MTSS1: variants seen among roughly 807,000 people sequenced by gnomAD.
MTSS1 encodes protein MTSS 1.
MTSS1 carries 18 observed loss-of-function variants against 79.0 expected under a neutral mutation model. The observed-to-expected ratio is 0.23, with a 90% confidence interval of 0.16 to 0.34. MTSS1 has a LOEUF of 0.34. Among genes scored for constraint, MTSS1 ranks in the 10% least tolerant of loss-of-function variants. The pLI, the probability that MTSS1 is intolerant of heterozygous loss-of-function variation, is 1.00. For synonymous variants in MTSS1, 341 were observed against 368.6 expected, an observed-to-expected ratio of 0.93 and a Z score of 0.86; for missense variants, 815 against 986.2, an observed-to-expected ratio of 0.83 and a Z score of 2.33.
intron 3 of MTSS1, among the ~76,000 whole-genome samples, chr8:124,696,671 C>A (rs1048889605): frequency 4.6e-5 from 7 of 151,832 alleles, no homozygotes; most frequent in African/African-American, 1.5e-4. Context: ...GCCAACATGA[C>A]GAAACCCTGT....
intron 6 of MTSS1, among the ~76,000 whole-genome samples, chr8:124,581,545 T>C (rs10092678): frequency 0.13 from 19,569 of 151,538 alleles, 1,396 homozygotes; most frequent in African/African-American, 0.16. Flanking sequence ...AACCTCCACC[T>C]TCCAGGTTCA....
chr8:124,564,286 G>A (rs1023345272), intron 9 of MTSS1, among the ~76,000 whole-genome samples: 2 of 152,166 alleles, frequency 1.3e-5, no homozygotes, highest in Non-Finnish European at 1.5e-5. Context: ...CTAGGGCTGG[G>A]ATAGGAAAAG....
intron 3 of MTSS1, among the ~76,000 whole-genome samples, chr8:124,650,198 TTTTTG>T (rs1819701521): frequency 1.3e-5 from 2 of 152,014 alleles, no homozygotes; most frequent in Non-Finnish European, 2.9e-5. Context: ...GCCCAGCTAA[TTTTTG>T]TATTTTTAGT....
chr8:124,661,323 G>GT (rs368747759), intron 3 of MTSS1, among the ~76,000 whole-genome samples: 128 of 146,010 alleles, frequency 8.8e-4, no homozygotes, highest in East Asian at 2.6e-3. Flanking sequence ...TTTCTTCTAG[G>GT]TTTTTTTTTT....
chr8:124,710,489 G>A (rs1831003332), intron 1 of MTSS1, among the ~76,000 whole-genome samples: 1 of 152,136 alleles, frequency 6.6e-6, no homozygotes, highest in Non-Finnish European at 1.5e-5. Flanking sequence ...AGGAGACACC[G>A]CCGAGTGCCT....
chr8:124,621,407 G>A (rs1169577697), intron 3 of MTSS1, among the ~76,000 whole-genome samples: 1 of 152,194 alleles, frequency 6.6e-6, no homozygotes, highest in Non-Finnish European at 1.5e-5. Context: ...ACTTGGTGGG[G>A]GCAGTCTTCC....
intron 3 of MTSS1, among the ~76,000 whole-genome samples, chr8:124,693,575 G>A (rs949648034): frequency 5.3e-5 from 8 of 152,112 alleles, no homozygotes; most frequent in African/African-American, 1.4e-4. Context: ...CACCAACCTC[G>A]GCGATCCAGA....
chr8:124,562,851 T>C lies in MTSS1; in HGVS notation c.966A>G (p.Ser322=), dbSNP rs1263103132. Reference sequence around the variant, plus strand: ...GGAAGGCATCCTGGGATATGAATCCTGAGTCATGGGAGGACACGCTGGACA... The same window carrying C: ...GGAAGGCATCCTGGGATATGAATCCCGAGTCATGGGAGGACACGCTGGACA... ...VRLSSVSSHD[S]GFISQDAFQS... Residue 322 remains serine (S), a synonymous_variant, in exon 10 of 14, where the codon TCA becomes TCG. Transcript: ENST00000518547. The C allele has an allele frequency of 6.2e-7, 1 of 1,614,036 alleles. No individual in the cohort carries two copies.
At chr8:124,690,148 AC>A (rs531559644) in intron 3 of MTSS1, among the ~76,000 whole-genome samples, 4 of 152,166 alleles carry the variant, frequency 2.6e-5, no homozygotes, top group Non-Finnish European at 5.9e-5. Context: ...CTTCCTCCCC[AC>A]TGCTGCTGCT....
chr8:124,564,129 C>CAA (rs56313535), intron 9 of MTSS1, among the ~76,000 whole-genome samples: 1,546 of 87,666 alleles, frequency 0.018, 92 homozygotes, highest in African/African-American at 0.065. Context: ...GACCCGATCT[C>CAA]AAAAAAAAAA....
intron 3 of MTSS1, among the ~76,000 whole-genome samples, chr8:124,676,778 G>C (rs1825367881): frequency 6.6e-6 from 1 of 152,130 alleles, no homozygotes; most frequent in South Asian, 2.1e-4. Context: ...AATCACAGTA[G>C]GTTACTTGAA....
At chr8:124,697,953 C>T (rs1829112997) in intron 3 of MTSS1, 2 of 152,220 alleles carry the variant, frequency 1.3e-5, no homozygotes, top group Non-Finnish European at 2.9e-5. Flanking sequence ...AGGAAAAACT[C>T]CTTCACTCCC....
chr8:124,684,200 T>C (rs1826588747), intron 3 of MTSS1, among the ~76,000 whole-genome samples: 1 of 152,180 alleles, frequency 6.6e-6, no homozygotes, highest in Admixed American at 6.5e-5. Flanking sequence ...TTAAAAACAA[T>C]CTCTAAAAAG....
At chr8:124,604,027 C>T (rs557574162) in intron 3 of MTSS1, among the ~76,000 whole-genome samples, 3 of 152,086 alleles carry the variant, frequency 2.0e-5, no homozygotes, top group African/African-American at 4.8e-5. Context: ...GCCTGGCCAG[C>T]GTGGTGAAAC....
intron 3 of MTSS1, among the ~76,000 whole-genome samples, chr8:124,667,941 T>C (rs921750984): frequency 2.0e-5 from 3 of 151,996 alleles, no homozygotes; most frequent in Non-Finnish European, 4.4e-5. Context: ...GACATGGTGG[T>C]GTGGGCCTGT....
At chr8:124,657,735 C>T (rs561461496) in intron 3 of MTSS1, among the ~76,000 whole-genome samples, 1 of 152,346 alleles carries the variant, frequency 6.6e-6, no homozygotes, top group African/African-American at 2.4e-5. Context: ...TGCCCCCAGG[C>T]ACCTACCTCC....
chr8:124,575,919 T>C (rs8180993), intron 6 of MTSS1, among the ~76,000 whole-genome samples: 91,746 of 151,898 alleles, frequency 0.6, 28,034 homozygotes, highest in Non-Finnish European at 0.65. Context: ...AATTTACCAT[T>C]GCCTTCAACT....
At chr8:124,662,599 A>G (rs1012625676) in intron 3 of MTSS1, among the ~76,000 whole-genome samples, 4 of 152,182 alleles carry the variant, frequency 2.6e-5, no homozygotes, top group African/African-American at 9.6e-5. Flanking sequence ...GGGTCTAGAC[A>G]TACGTACTGT....
intron 3 of MTSS1, among the ~76,000 whole-genome samples, chr8:124,605,157 C>T (rs1042839541): frequency 5.3e-5 from 8 of 152,136 alleles, no homozygotes; most frequent in African/African-American, 1.4e-4. Context: ...GCTGTCTCCC[C>T]GACATCTGCC....
Sources: gnomAD v4.1 joint callset for allele counts (sites outside exome capture counted in the v4.1 genomes callset) on GRCh38, gnomAD v4.1.1 for gene constraint, MANE v1.5 for transcripts, NCBI Gene and HGNC (gene_info 2026-07-23, HGNC 2026-07-21) for gene names.